Variants in LINC00305 observed in about 807,000 individuals in gnomAD.
The protein encoded by LINC00305 is long independently transcribed non-coding RNA 305, also known as long intergenic non-protein coding RNA 305.
At chr18:64,143,938 A>AT (rs1232036655) in intron 1 of LINC00305, among the ~76,000 whole-genome samples, 29 of 152,228 alleles carry the variant, frequency 1.9e-4, no homozygotes, top group African/African-American at 6.5e-4. Flanking sequence ...AATTTGGAGA[A>AT]TTTTTACAAA....
intron 1 of LINC00305, among the ~76,000 whole-genome samples, chr18:64,145,178 G>A (rs551338219): frequency 7.9e-5 from 12 of 152,256 alleles, no homozygotes; most frequent in Admixed American, 4.6e-4. Context: ...GAAAGACTGC[G>A]TTTCTGTTTT....
At chr18:64,112,121 T>G (rs1028640545) in intron 1 of LINC00305, among the ~76,000 whole-genome samples, 3 of 152,172 alleles carry the variant, frequency 2.0e-5, no homozygotes, top group African/African-American at 7.2e-5. Context: ...AAACACTGTG[T>G]GATACAATCA....
At chr18:64,108,593 G>A (rs572789064) in intron 1 of LINC00305, among the ~76,000 whole-genome samples, 6 of 152,152 alleles carry the variant, frequency 3.9e-5, no homozygotes, top group Non-Finnish European at 8.8e-5. Flanking sequence ...ATGAACAAAT[G>A]TGAGGTGATA....
intron 3 of LINC00305, among the ~76,000 whole-genome samples, chr18:64,089,177 A>G (rs2051215637): frequency 6.6e-6 from 1 of 152,052 alleles, no homozygotes; most frequent in South Asian, 2.1e-4. Context: ...GTGGGAGGTG[A>G]TTGGATCATG....
chr18:64,105,132 A>G (rs764989590), intron 1 of LINC00305, among the ~76,000 whole-genome samples: 3 of 152,116 alleles, frequency 2.0e-5, no homozygotes, highest in African/African-American at 7.2e-5. Flanking sequence ...TCAACCTGCC[A>G]TGTAGCTTCC....
At chr18:64,088,065 G>A (rs562419666) in intron 3 of LINC00305, among the ~76,000 whole-genome samples, 76 of 152,256 alleles carry the variant, frequency 5.0e-4, no homozygotes, top group Middle Eastern at 6.8e-3. Flanking sequence ...GGAGCTTGCC[G>A]GGAGGCGGAG....
chr18:64,131,070 C>T (rs1357721751), intron 1 of LINC00305, among the ~76,000 whole-genome samples: 2 of 152,156 alleles, frequency 1.3e-5, no homozygotes, highest in Non-Finnish European at 2.9e-5. Context: ...TTCTTTGCAG[C>T]TTACCTAACT....
intron 3 of LINC00305, among the ~76,000 whole-genome samples, chr18:64,088,048 G>T (rs1026949789): frequency 6.6e-6 from 1 of 152,052 alleles, no homozygotes; most frequent in African/African-American, 2.4e-5. Flanking sequence ...GTGTAAACCC[G>T]GGAGGCGGAG....
chr18:64,132,211 A>G lies in LINC00305; in HGVS notation n.314+16564T>C, dbSNP rs1370814073. On this transcript the variant is annotated intron_variant and non_coding_transcript_variant, in intron 1 of 3. Coordinates refer to ENST00000666468, the Ensembl canonical transcript of LINC00305. ...GAATCAATGAAAGCCTTAGGAAAGA[A>G]AAACATCATTTTAAGTGATTTCTCC... is the stretch of plus-strand genomic sequence containing the variant. Among the ~76,000 whole-genome samples the G allele has an allele frequency of 2.0e-5, 3 of 152,274 alleles. No homozygotes were observed. The East Asian group carries it at 5.8e-4, about 29-fold the overall frequency.
intron 1 of LINC00305, among the ~76,000 whole-genome samples, chr18:64,142,506 A>G (rs923070309): frequency 1.7e-4 from 26 of 152,172 alleles, no homozygotes; most frequent in African/African-American, 6.0e-4. Context: ...CACCACTTCT[A>G]AATGGGACTC....
In LINC00305 at chr18:64,132,320, G is replaced by A. The variant is rs2051413226; in HGVS notation, n.314+16455C>T. Among the ~76,000 whole-genome samples the A allele has an allele frequency of 3.9e-5, 6 of 152,196 alleles. No individual in the cohort carries two copies. In the South Asian group the frequency reaches 1.2e-3, roughly 32 times the overall value. On this transcript the variant is annotated intron_variant and non_coding_transcript_variant, in intron 1 of 3. Transcript: ENST00000666468. ...AGCTCTATTGTTAAATAGATTAAGA[G>A]ATAATTAATTTTAAACGCTTGAGAA...
At chr18:64,145,315 C>T (rs931052243) in intron 1 of LINC00305, among the ~76,000 whole-genome samples, 3 of 152,068 alleles carry the variant, frequency 2.0e-5, no homozygotes, top group African/African-American at 7.2e-5. Flanking sequence ...TTACTTCATC[C>T]CCATGTGACC....
intron 1 of LINC00305, among the ~76,000 whole-genome samples, chr18:64,103,729 C>T (rs1273030362): frequency 6.6e-6 from 1 of 152,168 alleles, no homozygotes; most frequent in Non-Finnish European, 1.5e-5. Context: ...GACAAATATA[C>T]TTACCCTACA....
rs146770471 is a variant in LINC00305, at chr18:64,097,983, G to A, written n.391C>T. 4.4e-5 allele frequency: 20 copies of A among 457,812 alleles called. No individual in the cohort carries two copies. In the East Asian group the frequency reaches 9.7e-4, roughly 22 times the overall value. The allele number at this position is 457,812 out of a possible 1,614,324, so 28.4% of individuals were successfully genotyped here. A position where few individuals can be genotyped will look rare whatever the true frequency, so the allele number is the denominator to read the frequency against. Reference sequence around the variant, plus strand: ...CTTTCCCTTTTCATCTTTGCAGGTCGCAGAGATGGCTACTGAGATAAGGGA... The same window carrying A: ...CTTTCCCTTTTCATCTTTGCAGGTCACAGAGATGGCTACTGAGATAAGGGA... On this transcript the variant is annotated non_coding_transcript_exon_variant, in exon 3 of 4. Transcript: ENST00000666468.
chr18:64,144,854 G>A (rs141472137), intron 1 of LINC00305, among the ~76,000 whole-genome samples: 1,737 of 152,222 alleles, frequency 0.011, 40 homozygotes, highest in African/African-American at 0.04. Context: ...TGTAGTCAGG[G>A]GGTTTTCACA....
At chr18:64,120,759 A>T (rs2051358476) in intron 1 of LINC00305, among the ~76,000 whole-genome samples, 1 of 152,158 alleles carries the variant, frequency 6.6e-6, no homozygotes, top group African/African-American at 2.4e-5. Flanking sequence ...TTAGCTCAAA[A>T]TATCCATCTT....
At chr18:64,092,032 A>T (rs1431700355) in intron 3 of LINC00305, among the ~76,000 whole-genome samples, 1 of 152,212 alleles carries the variant, frequency 6.6e-6, no homozygotes, top group Non-Finnish European at 1.5e-5. Context: ...AAAATGGATT[A>T]GTTCATAAGG....
chr18:64,088,783 G>A (rs1335798005), intron 3 of LINC00305, among the ~76,000 whole-genome samples: 1 of 152,198 alleles, frequency 6.6e-6, no homozygotes, highest in Non-Finnish European at 1.5e-5. Context: ...AATGGTGGAA[G>A]ACCTCATCAG....
intron 1 of LINC00305, among the ~76,000 whole-genome samples, chr18:64,110,902 G>A (rs945041352): frequency 2.0e-5 from 3 of 152,186 alleles, no homozygotes; most frequent in South Asian, 2.1e-4. Context: ...TAATGACCTC[G>A]CAGCAGGAAG....
Sources: allele counts gnomAD v4.1 joint callset (sites outside exome capture counted in the v4.1 genomes callset), GRCh38; gene constraint gnomAD v4.1.1; transcripts MANE v1.5; gene names NCBI Gene and HGNC (gene_info 2026-07-23, HGNC 2026-07-21).